Variants in HSD17B2 observed in about 807,000 individuals in gnomAD.
The protein encoded by HSD17B2 is 17-beta-hydroxysteroid dehydrogenase type 2.
HSD17B2 carries 32 observed loss-of-function variants against 26.9 expected under a neutral mutation model. The ratio of observed to expected loss-of-function variants is 1.19; its 90% CI spans 0.90 to 1.60. The LOEUF (loss-of-function observed/expected upper bound fraction) is 1.60, where lower values mean the gene tolerates loss of function less well. HSD17B2 is among the 40% of genes most tolerant of loss of function. The probability of loss-of-function intolerance (pLI) is 0.00; values close to 1 mark genes in which losing one functional copy is unlikely to be tolerated. For synonymous variants in HSD17B2, 246 were observed against 186.7 expected (o/e 1.32, Z -2.59); for missense variants, 613 against 468.6 (o/e 1.31, Z -2.85).
intron 1 of HSD17B2, chr16:82,056,574 A>G (rs936339077): frequency 6.6e-6 from 1 of 152,242 alleles, no homozygotes; most frequent in Non-Finnish European, 1.5e-5. Context: ...GGTGGGGACA[A>G]CTGGAAGGAG....
At chr16:82,067,305 G>A (rs374581156) in intron 1 of HSD17B2, among the ~76,000 whole-genome samples, 1 of 152,192 alleles carries the variant, frequency 6.6e-6, no homozygotes, top group Non-Finnish European at 1.5e-5. Flanking sequence ...CAAGAGAGAC[G>A]TTAACTGTTA....
intron 3 of HSD17B2, among the ~76,000 whole-genome samples, chr16:82,077,946 C>T (rs570341999): frequency 1.3e-5 from 2 of 152,214 alleles, no homozygotes; most frequent in South Asian, 2.1e-4. Flanking sequence ...AACTATTGTA[C>T]TATAAGAAAA....
chr16:82,048,322 GGA>G (rs1567579006), intron 1 of HSD17B2, among the ~76,000 whole-genome samples: 2 of 152,176 alleles, frequency 1.3e-5, no homozygotes, highest in Admixed American at 6.6e-5. Flanking sequence ...CCAGTATGGA[GGA>G]GAGAGAAAAT....
At chr16:82,074,689 C>G (rs1027615716) in intron 3 of HSD17B2, among the ~76,000 whole-genome samples, 1 of 152,136 alleles carries the variant, frequency 6.6e-6, no homozygotes, top group Non-Finnish European at 1.5e-5. Flanking sequence ...CCAGAGCACC[C>G]AGATGTATAA....
At chr16:82,070,005 G>C (rs932359751) in intron 2 of HSD17B2, among the ~76,000 whole-genome samples, 2 of 152,096 alleles carry the variant, frequency 1.3e-5, no homozygotes, top group Non-Finnish European at 2.9e-5. Flanking sequence ...AGAAACACTG[G>C]TTTACGCCAA....
At chr16:82,081,175 T>C (rs1904368994) in intron 3 of HSD17B2, among the ~76,000 whole-genome samples, 1 of 152,164 alleles carries the variant, frequency 6.6e-6, no homozygotes, top group African/African-American at 2.4e-5. Flanking sequence ...AGGCAAGAGG[T>C]GTGCAGAATA....
chr16:82,070,865 T>C (rs1263733206), intron 2 of HSD17B2, 77 bp from the exon 3 acceptor site: 10 of 1,368,050 alleles, frequency 7.3e-6, no homozygotes, highest in African/African-American at 7.2e-5. Context: ...ACCTCTTGCA[T>C]GGTCTTCCAG....
intron 3 of HSD17B2, among the ~76,000 whole-genome samples, chr16:82,087,883 G>A (rs1377856784): frequency 2.0e-5 from 3 of 151,956 alleles, no homozygotes; most frequent in African/African-American, 7.3e-5. Flanking sequence ...TTTTTATGAC[G>A]ACCCCACTCT....
chr16:82,047,244 G>A (rs574980953), intron 1 of HSD17B2, among the ~76,000 whole-genome samples: 1 of 152,248 alleles, frequency 6.6e-6, no homozygotes, highest in East Asian at 1.9e-4. Flanking sequence ...TCATGCCCGG[G>A]GTTTGTTACC....
At chr16:82,075,326 G>A (rs562013150) in intron 3 of HSD17B2, among the ~76,000 whole-genome samples, 1 of 151,850 alleles carries the variant, frequency 6.6e-6, no homozygotes, top group Admixed American at 6.6e-5. Flanking sequence ...CTCAAAATTA[G>A]TAGAAGAAAA....
intron 1 of HSD17B2, among the ~76,000 whole-genome samples, chr16:82,040,899 A>T (rs1174845519): frequency 6.6e-6 from 1 of 152,254 alleles, no homozygotes; most frequent in Non-Finnish European, 1.5e-5. Context: ...CATGAGCAAC[A>T]AAGTGATGGT....
intron 3 of HSD17B2, among the ~76,000 whole-genome samples, chr16:82,083,941 C>A (rs982718799): frequency 2.0e-5 from 3 of 152,150 alleles, no homozygotes; most frequent in Non-Finnish European, 4.4e-5. Context: ...TCTGATGGTA[C>A]AAAGAGCAGT....
chr16:82,049,233 A>G (rs1597122033), intron 1 of HSD17B2, among the ~76,000 whole-genome samples: 2 of 152,330 alleles, frequency 1.3e-5, no homozygotes, highest in East Asian at 3.9e-4. Context: ...CCTATAGGGT[A>G]GCGGGGAGTG....
chr16:82,060,177 G>A (rs1244277421), intron 1 of HSD17B2, among the ~76,000 whole-genome samples: 1 of 152,136 alleles, frequency 6.6e-6, no homozygotes, highest in Non-Finnish European at 1.5e-5. Flanking sequence ...GCAATCTGAT[G>A]GATTGCCTAA....
intron 1 of HSD17B2, among the ~76,000 whole-genome samples, chr16:82,050,247 T>A (rs1171257024): frequency 6.6e-6 from 1 of 152,138 alleles, no homozygotes; most frequent in African/African-American, 2.4e-5. Context: ...GGGTTCCCCA[T>A]CTTGGTGAGC....
intron 3 of HSD17B2, among the ~76,000 whole-genome samples, chr16:82,087,223 G>T (rs936282847): frequency 3.3e-5 from 5 of 152,102 alleles, no homozygotes; most frequent in African/African-American, 1.2e-4. Context: ...ACAACATTGT[G>T]CCAATAGTTA....
chr16:82,036,719 G>A (rs927646885), intron 1 of HSD17B2, among the ~76,000 whole-genome samples: 3 of 152,168 alleles, frequency 2.0e-5, no homozygotes, highest in Admixed American at 2.0e-4. Flanking sequence ...CCACAGAAAA[G>A]AAGCTTCTTT....
intron 1 of HSD17B2, among the ~76,000 whole-genome samples, chr16:82,042,748 A>C (rs1044727913): frequency 1.3e-5 from 2 of 151,984 alleles, no homozygotes; most frequent in Admixed American, 6.5e-5. Context: ...CAGCCTCCCA[A>C]GTAGCTGGGA....
intron 2 of HSD17B2, among the ~76,000 whole-genome samples, chr16:82,069,811 A>G (rs8191158): frequency 0.017 from 2,620 of 152,228 alleles, 58 homozygotes; most frequent in South Asian, 0.074. Flanking sequence ...ATTTCGGAAG[A>G]TTATTAGGAA....
Sources: gnomAD v4.1 joint callset for allele counts (sites outside exome capture counted in the v4.1 genomes callset) on GRCh38, gnomAD v4.1.1 for gene constraint, MANE v1.5 for transcripts, NCBI Gene and HGNC (gene_info 2026-07-23, HGNC 2026-07-21) for gene names.